Variants in SPOCK1 observed in about 807,000 individuals in gnomAD.
SPOCK1 encodes SPARC (osteonectin), cwcv and kazal like domains proteoglycan 1, also known as testican-1.
SPOCK1 carries 23 observed loss-of-function variants against 55.3 expected under a neutral mutation model. That is an observed-to-expected ratio of 0.42 (90% CI 0.30 to 0.59). SPOCK1 has a LOEUF of 0.59. Ranked by LOEUF, SPOCK1 falls within the 20% of genes least tolerant of loss-of-function variation. SPOCK1 has a pLI of 0.22. For synonymous variants in SPOCK1, 226 were observed against 221.0 expected, an observed-to-expected ratio of 1.02 and a Z score of -0.20; for missense variants, 499 against 552.5, an observed-to-expected ratio of 0.90 and a Z score of 0.97.
chr5:137,235,875 G>T (rs971683998), intron 3 of SPOCK1, among the ~76,000 whole-genome samples: 1 of 152,180 alleles, frequency 6.6e-6, no homozygotes, highest in South Asian at 2.1e-4. Context: ...GTCTGTGGGG[G>T]GTGTATACAT....
intron 3 of SPOCK1, among the ~76,000 whole-genome samples, chr5:137,166,772 A>G (rs1254107291): frequency 2.0e-5 from 3 of 152,100 alleles, no homozygotes; most frequent in Non-Finnish European, 4.4e-5. Context: ...ATAAGATAGT[A>G]CTTGCAAGCC....
intron 5 of SPOCK1, among the ~76,000 whole-genome samples, chr5:137,088,580 C>A (rs972308373): frequency 6.6e-5 from 10 of 152,206 alleles, no homozygotes; most frequent in African/African-American, 2.4e-4. Flanking sequence ...CCCACCTTCA[C>A]CCCCAGTCCT....
chr5:137,344,976 CAG>C (rs1031666975), intron 2 of SPOCK1, among the ~76,000 whole-genome samples: 1 of 152,214 alleles, frequency 6.6e-6, no homozygotes, highest in Non-Finnish European at 1.5e-5. Flanking sequence ...GGTTCTTAGG[CAG>C]AGTCTCAAAG....
chr5:137,237,518 C>T (rs1035875990), intron 3 of SPOCK1, among the ~76,000 whole-genome samples: 1 of 152,226 alleles, frequency 6.6e-6, no homozygotes, highest in Non-Finnish European at 1.5e-5. Context: ...TGACGTCTCA[C>T]AAGAATGTTT....
chr5:137,329,312 C>T (rs1280869481), intron 2 of SPOCK1, among the ~76,000 whole-genome samples: 1 of 152,050 alleles, frequency 6.6e-6, no homozygotes, highest in East Asian at 1.9e-4. Flanking sequence ...GGGTCTCCTG[C>T]TTGCTCAATC....
At chr5:137,355,228 TGTC>T (rs1750766488) in intron 2 of SPOCK1, among the ~76,000 whole-genome samples, 1 of 152,088 alleles carries the variant, frequency 6.6e-6, no homozygotes, top group Non-Finnish European at 1.5e-5. Context: ...GTCTCACTCT[TGTC>T]ATCCAGGCTG....
intron 5 of SPOCK1, among the ~76,000 whole-genome samples, chr5:137,104,510 C>T (rs1753328895): frequency 6.6e-6 from 1 of 152,180 alleles, no homozygotes; most frequent in Non-Finnish European, 1.5e-5. Context: ...GCAGGGTCCC[C>T]ATCCCCAAGG....
intron 6 of SPOCK1, among the ~76,000 whole-genome samples, chr5:137,057,816 C>T (rs1752329679): frequency 1.3e-5 from 2 of 152,110 alleles, no homozygotes; most frequent in Non-Finnish European, 2.9e-5. Context: ...TTTCTTTTCA[C>T]AGTAATGGAT....
chr5:137,239,690 AT>A lies in SPOCK1; in HGVS notation c.232+27319del, dbSNP rs146880203. ...TGGTGTGGAAAAAAAAAATTCAGAC[AT>A]TTTGTATTAAAAGTGTTATGTCTAT... On this transcript the variant is annotated intron_variant, in intron 3 of 10. Transcript: ENST00000394945. 9.4e-4 allele frequency among the ~76,000 whole-genome samples: 143 copies of A among 152,310 alleles called. 1 individual carries two copies. The East Asian group carries it at 0.022, about 23-fold the overall frequency.
chr5:137,095,580 A>T (rs181865629), intron 5 of SPOCK1, among the ~76,000 whole-genome samples: 142 of 152,308 alleles, frequency 9.3e-4, no homozygotes, highest in Admixed American at 3.4e-3. Context: ...TGAGGACCAG[A>T]TATAATGGTG....
intron 3 of SPOCK1, among the ~76,000 whole-genome samples, chr5:137,175,250 G>A (rs1283425592): frequency 6.6e-6 from 1 of 152,180 alleles, no homozygotes; most frequent in Non-Finnish European, 1.5e-5. Flanking sequence ...TGTAGAAACT[G>A]TGGGTAGTAA....
intron 2 of SPOCK1, among the ~76,000 whole-genome samples, chr5:137,341,397 T>G (rs1195044013): frequency 6.6e-6 from 1 of 152,234 alleles, no homozygotes; most frequent in African/African-American, 2.4e-5. Context: ...TGTCTCACTG[T>G]ACAAAGAGAA....
chr5:137,112,696 C>T (rs1191870376), intron 4 of SPOCK1, 135 bp from the exon 5 acceptor site: 11 of 1,085,320 alleles, frequency 1.0e-5, no homozygotes, highest in Non-Finnish European at 1.3e-5. Flanking sequence ...GGGCCTTAGC[C>T]AGCACTTCCA....
chr5:137,280,887 C>T (rs1392735625), intron 2 of SPOCK1, among the ~76,000 whole-genome samples: 2 of 152,186 alleles, frequency 1.3e-5, no homozygotes. Context: ...GCTCAGAGGC[C>T]TGCAAAGGAA....
chr5:137,448,618 GA>G (rs1447033373), intron 2 of SPOCK1, among the ~76,000 whole-genome samples: 3 of 152,178 alleles, frequency 2.0e-5, no homozygotes, highest in African/African-American at 7.2e-5. Context: ...CAAATAATCA[GA>G]TTTTTTTAAC....
rs563279183 is a variant in SPOCK1 at position 137,104,557 on chromosome 5, C to T, written c.474+7878G>A. Among the ~76,000 whole-genome samples the T allele has an allele frequency of 3.9e-5, 6 of 152,316 alleles. No individual in the cohort carries two copies. In the South Asian group the frequency reaches 6.2e-4, roughly 16 times the overall value. On this transcript the variant is annotated intron_variant, in intron 5 of 10. Transcript: ENST00000394945. The stretch of plus-strand genomic sequence containing the variant: ...TACTGGTCTGTGGTCTGTTAGGAAC[C>T]GGCCCACAGCAGGAAATAAGCAGTG...
In SPOCK1 at chr5:137,346,186, A is replaced by C. The variant is rs115792747; in HGVS notation, c.187-79131T>G. 6.4e-3 allele frequency among the ~76,000 whole-genome samples: 980 copies of C among 152,236 alleles called. 17 individuals carry two copies. Among genetic ancestry groups the C allele is most frequent in the African/African-American group, 0.023 (940 of 41,524 alleles). On this transcript the variant is annotated intron_variant, in intron 2 of 10. Transcript: ENST00000394945. ...ATGCCCTTTGGCTTCCTCTCCCAGCACACAACAGAATAGACCCCAAAGAAT... is the reference window on the plus strand; with the variant it reads ...ATGCCCTTTGGCTTCCTCTCCCAGCCCACAACAGAATAGACCCCAAAGAAT...
intron 2 of SPOCK1, among the ~76,000 whole-genome samples, chr5:137,303,907 CCTT>C (rs1464584323): frequency 2.6e-5 from 4 of 152,202 alleles, no homozygotes; most frequent in Admixed American, 2.6e-4. Flanking sequence ...TCCCTGCTGT[CCTT>C]CTCCTTGTGC....
At chr5:137,470,311 A>C (rs1438558579) in intron 2 of SPOCK1, among the ~76,000 whole-genome samples, 3 of 152,236 alleles carry the variant, frequency 2.0e-5, no homozygotes, top group Non-Finnish European at 2.9e-5. Flanking sequence ...GAAAAATTTA[A>C]AGAGAAATGC....
Sources: allele counts gnomAD v4.1 joint callset (sites outside exome capture counted in the v4.1 genomes callset), GRCh38; gene constraint gnomAD v4.1.1; transcripts MANE v1.5; gene names NCBI Gene and HGNC (gene_info 2026-07-23, HGNC 2026-07-21).